NME7: variants seen among roughly 807,000 people sequenced by gnomAD.
The protein encoded by NME7 is nucleoside diphosphate kinase 7.
In NME7, 41 loss-of-function variants were observed where a neutral mutation model predicts 49.1. That is an observed-to-expected ratio of 0.83 (90% CI 0.65 to 1.08). NME7 has a LOEUF of 1.08. Ranked by LOEUF, NME7 falls within the 50% of genes least tolerant of loss-of-function variation. The probability of loss-of-function intolerance (pLI) is 0.00; values close to 1 mark genes in which losing one functional copy is unlikely to be tolerated. For missense variants in NME7, 423 were observed against 463.4 expected (o/e 0.91, Z 0.80); for synonymous variants, 139 against 150.6 (o/e 0.92, Z 0.56).
chr1:169,177,459 C>G (rs1027522901), intron 10 of NME7, among the ~76,000 whole-genome samples: 1 of 152,028 alleles, frequency 6.6e-6, no homozygotes, highest in Non-Finnish European at 1.5e-5. Context: ...ACTTTCCTGC[C>G]GAAGAATCTC....
chr1:169,156,179 G>A (rs571285911), intron 11 of NME7, among the ~76,000 whole-genome samples: 5 of 130,838 alleles, frequency 3.8e-5, no homozygotes, highest in South Asian at 2.4e-4. Flanking sequence ...GGGGCATGAC[G>A]GTGCATGCCT....
At chr1:169,332,513 A>G (rs954995128) in intron 1 of NME7, among the ~76,000 whole-genome samples, 2 of 152,138 alleles carry the variant, frequency 1.3e-5, no homozygotes, top group African/African-American at 4.8e-5. Flanking sequence ...CAAATAAAAC[A>G]ATCAACAAAG....
intron 1 of NME7, among the ~76,000 whole-genome samples, chr1:169,326,299 A>C (rs1652055506): frequency 6.6e-6 from 1 of 152,196 alleles, no homozygotes; most frequent in South Asian, 2.1e-4. Flanking sequence ...GCTTCTGGCT[A>C]TGACAAAGTA....
chr1:169,178,606 A>G (rs532523579), intron 10 of NME7, among the ~76,000 whole-genome samples: 1 of 152,226 alleles, frequency 6.6e-6, no homozygotes, highest in South Asian at 2.1e-4. Flanking sequence ...AACTCCTTTA[A>G]AAAACATCCC....
intron 4 of NME7, among the ~76,000 whole-genome samples, chr1:169,304,892 T>C (rs1376784967): frequency 6.6e-6 from 1 of 152,078 alleles, no homozygotes; most frequent in Admixed American, 6.5e-5. Context: ...CAGCCTAAAA[T>C]GGGGTAAAAC....
At chr1:169,225,755 A>C (rs1365586212) in intron 10 of NME7, among the ~76,000 whole-genome samples, 3 of 152,150 alleles carry the variant, frequency 2.0e-5, no homozygotes, top group Non-Finnish European at 4.4e-5. Context: ...AGACCGAAAA[A>C]AATTTTGTTA....
intron 1 of NME7, among the ~76,000 whole-genome samples, chr1:169,352,204 G>A (rs76722603): frequency 0.043 from 6,581 of 152,034 alleles, 207 homozygotes; most frequent in East Asian, 0.12. Flanking sequence ...ACTGAATTCA[G>A]TAACACGTTA....
intron 6 of NME7, among the ~76,000 whole-genome samples, chr1:169,298,078 A>C (rs1650779798): frequency 6.6e-6 from 1 of 152,202 alleles, no homozygotes; most frequent in African/African-American, 2.4e-5. Context: ...AAATCCAATA[A>C]ATGCTTTATT....
chr1:169,174,713 TACACATATCTAA>T (rs1203408470), intron 10 of NME7, among the ~76,000 whole-genome samples: 4 of 152,204 alleles, frequency 2.6e-5, no homozygotes, highest in Non-Finnish European at 5.9e-5. Context: ...TTTGTGTATC[TACACATATCTAA>T]ACAGAAAAGG....
intron 10 of NME7, 24 bp downstream of exon 10, chr1:169,230,694 A>T: frequency 6.6e-7 from 1 of 1,513,110 alleles, no homozygotes; most frequent in Non-Finnish European, 9.0e-7. Flanking sequence ...ACAAACTAGG[A>T]TAATATTTTA....
chr1:169,198,180 C>T (rs901484808), intron 10 of NME7, among the ~76,000 whole-genome samples: 3 of 151,912 alleles, frequency 2.0e-5, no homozygotes, highest in Non-Finnish European at 4.4e-5. Flanking sequence ...ACTGAGATGG[C>T]TAGAATTAAA....
chr1:169,181,375 AC>A (rs60747985), intron 10 of NME7, among the ~76,000 whole-genome samples: 53,801 of 150,830 alleles, frequency 0.36, 10,338 homozygotes, highest in East Asian at 0.73. Flanking sequence ...ACACACACAC[AC>A]ACACACACAC....
intron 4 of NME7, among the ~76,000 whole-genome samples, chr1:169,309,383 A>G (rs1443635304): frequency 6.6e-6 from 1 of 152,166 alleles, no homozygotes; most frequent in Non-Finnish European, 1.5e-5. Flanking sequence ...AATGACATCA[A>G]AAAGACCTCG....
chr1:169,169,345 T>TG, intron 11 of NME7, 102 bp downstream of exon 11: 1 of 978,032 alleles, frequency 1.0e-6, no homozygotes, highest in Non-Finnish European at 1.6e-6. Flanking sequence ...ACCTAGAACT[T>TG]GAAGTATAAC....
At chr1:169,144,703 G>T (rs913204226) in intron 11 of NME7, among the ~76,000 whole-genome samples, 3 of 152,178 alleles carry the variant, frequency 2.0e-5, no homozygotes, top group Non-Finnish European at 4.4e-5. Context: ...TTCAATAAAT[G>T]TATGTTAACC....
intron 1 of NME7, among the ~76,000 whole-genome samples, chr1:169,332,379 A>C (rs1461927036): frequency 6.6e-6 from 1 of 152,170 alleles, no homozygotes; most frequent in African/African-American, 2.4e-5. Context: ...ACAAGAAAAC[A>C]TGGGAGAAAA....
chr1:169,314,497 G>C (rs1235722917), intron 3 of NME7, among the ~76,000 whole-genome samples: 4 of 151,894 alleles, frequency 2.6e-5, no homozygotes, highest in African/African-American at 7.2e-5. Flanking sequence ...TCAAAAATAA[G>C]ATAATAAAAC....
intron 10 of NME7, among the ~76,000 whole-genome samples, chr1:169,211,986 C>T: frequency 6.6e-6 from 1 of 151,980 alleles, no homozygotes; most frequent in South Asian, 2.1e-4. Context: ...TGCAATGTTT[C>T]TTCTTTTTAT....
At chr1:169,253,663 A>G (rs1486949700) in intron 7 of NME7, among the ~76,000 whole-genome samples, 1 of 152,158 alleles carries the variant, frequency 6.6e-6, no homozygotes, top group South Asian at 2.1e-4. Context: ...GAATGCTTCT[A>G]GTTTTTGCCC....
Sources: gnomAD v4.1 joint callset for allele counts (sites outside exome capture counted in the v4.1 genomes callset) on GRCh38, gnomAD v4.1.1 for gene constraint, MANE v1.5 for transcripts, NCBI Gene and HGNC (gene_info 2026-07-23, HGNC 2026-07-21) for gene names.